MYOF: variants seen among roughly 807,000 people sequenced by gnomAD.
MYOF encodes the protein myoferlin.
Under a neutral mutation model 284.2 loss-of-function variants are expected in MYOF, and 244 were observed. That is an observed-to-expected ratio of 0.86 (90% CI 0.77 to 0.95). The LOEUF is 0.95. Ranked by LOEUF, MYOF falls within the 40% of genes least tolerant of loss-of-function variation. MYOF has a pLI of 0.00. For missense variants in MYOF, 2,496 were observed against 2,560.6 expected, an observed-to-expected ratio of 0.97 and a Z score of 0.54; for synonymous variants, 904 against 919.7, an observed-to-expected ratio of 0.98 and a Z score of 0.31.
chr10:93,428,609 ACAG>A (rs1158207611), intron 4 of MYOF, among the ~76,000 whole-genome samples: 16 of 133,264 alleles, frequency 1.2e-4, no homozygotes, highest in African/African-American at 4.5e-4. Flanking sequence ...ACACACACAC[ACAG>A]TGCATTGCCC....
chr10:93,463,587 TG>T (rs1190152629), intron 1 of MYOF, among the ~76,000 whole-genome samples: 1 of 151,428 alleles, frequency 6.6e-6, no homozygotes, highest in African/African-American at 2.4e-5. Flanking sequence ...TTAGTAGAGA[TG>T]GGGGTTTCAC....
chr10:93,368,485 C>G (rs1490130960), intron 25 of MYOF, among the ~76,000 whole-genome samples: 1 of 152,194 alleles, frequency 6.6e-6, no homozygotes, highest in Non-Finnish European at 1.5e-5. Flanking sequence ...GAGGACCAGG[C>G]TTGGCTTCTT....
chr10:93,438,513 C>A (rs2056142020), intron 3 of MYOF, among the ~76,000 whole-genome samples: 1 of 152,192 alleles, frequency 6.6e-6, no homozygotes, highest in Non-Finnish European at 1.5e-5. Context: ...CAAAACATTT[C>A]TCAGAATGTG....
At chr10:93,471,900 A>G (rs2057155066) in intron 1 of MYOF, among the ~76,000 whole-genome samples, 2 of 152,044 alleles carry the variant, frequency 1.3e-5, no homozygotes, top group South Asian at 4.1e-4. Context: ...AAAAAAAAAA[A>G]AAAGGCTCGG....
intron 1 of MYOF, 148 bp downstream of exon 1, chr10:93,481,959 G>A: frequency 2.9e-6 from 2 of 681,838 alleles, no homozygotes; most frequent in South Asian, 1.8e-5. Flanking sequence ...CCAGAAACGG[G>A]TCCTCTCCCC....
intron 5 of MYOF, among the ~76,000 whole-genome samples, chr10:93,411,032 T>C (rs1696319764): frequency 6.6e-6 from 1 of 152,246 alleles, no homozygotes; most frequent in African/African-American, 2.4e-5. Context: ...GGGAAAATAA[T>C]AGTATTTACC....
At chr10:93,375,048 A>G (rs903216376) in intron 22 of MYOF, 93 bp from the exon 23 acceptor site, 7 of 1,267,514 alleles carry the variant, frequency 5.5e-6, no homozygotes, top group East Asian at 2.5e-5. Flanking sequence ...TTGGATTTCC[A>G]TCTTGCAAAC....
intron 49 of MYOF, 112 bp from the exon 50 acceptor site, chr10:93,316,925 T>C: frequency 2.6e-6 from 2 of 773,366 alleles, no homozygotes; most frequent in Non-Finnish European, 4.4e-6. Flanking sequence ...ACCCTGACAC[T>C]CCCTTGGGCC....
chr10:93,389,427 T>C (rs1338258039), intron 17 of MYOF, among the ~76,000 whole-genome samples: 3 of 152,250 alleles, frequency 2.0e-5, no homozygotes, highest in Admixed American at 2.0e-4. Context: ...GACTTTGAAG[T>C]TGACCTTCAC....
intron 3 of MYOF, among the ~76,000 whole-genome samples, chr10:93,440,412 A>AG (rs1466131039): frequency 1.1e-4 from 1 of 9,278 alleles, no homozygotes; most frequent in Non-Finnish European, 5.7e-3. Flanking sequence ...CTCCGTCTCG[A>AG]AAAAAAAAAC....
At chr10:93,381,149 A>C in intron 20 of MYOF, 70 bp downstream of exon 20, 1 of 1,500,128 alleles carries the variant, frequency 6.7e-7, no homozygotes. Flanking sequence ...GGGAAGACAC[A>C]GTGCTTGCTT....
At chr10:93,436,238 G>A (rs1056654169) in intron 3 of MYOF, among the ~76,000 whole-genome samples, 2 of 152,092 alleles carry the variant, frequency 1.3e-5, no homozygotes, top group South Asian at 4.2e-4. Context: ...GCCTTGAGTG[G>A]TTTTACAACC....
At chr10:93,481,445 T>C (rs993491499) in intron 1 of MYOF, among the ~76,000 whole-genome samples, 1 of 152,070 alleles carries the variant, frequency 6.6e-6, no homozygotes, top group African/African-American at 2.4e-5. Flanking sequence ...CCCAGAGAAA[T>C]GAAGTAACTT....
intron 12 of MYOF, among the ~76,000 whole-genome samples, chr10:93,400,097 T>C (rs759860447): frequency 1.3e-5 from 2 of 152,116 alleles, no homozygotes; most frequent in Non-Finnish European, 2.9e-5. Context: ...CAAAGTTCAT[T>C]CAGTGAGAGT....
At chr10:93,466,552 G>A (rs1049179529) in intron 1 of MYOF, among the ~76,000 whole-genome samples, 6 of 152,186 alleles carry the variant, frequency 3.9e-5, no homozygotes, top group African/African-American at 9.6e-5. Context: ...ATGCTGGGGC[G>A]TGGTCATGTC....
chr10:93,345,188 G>A lies in MYOF; in HGVS notation c.4250-1256C>T, dbSNP rs151002082. Among the ~76,000 whole-genome samples the A allele has an allele frequency of 2.6e-5, 4 of 152,210 alleles. No homozygotes were observed. In the East Asian group the frequency reaches 5.8e-4, roughly 22 times the overall value. ...GGAGGAGAAACAACAAACCTTTTTC[G>A]GTACCCACCATGTGCTGGGCACTGA... On this transcript the variant is annotated intron_variant, in intron 37 of 53. Coordinates refer to ENST00000359263, the MANE Select transcript of MYOF (RefSeq NM_013451.4).
chr10:93,458,807 G>A (rs1365420687), intron 1 of MYOF, among the ~76,000 whole-genome samples: 1 of 152,166 alleles, frequency 6.6e-6, no homozygotes, highest in East Asian at 1.9e-4. Flanking sequence ...TCACATTAGT[G>A]GCCACACTTT....
At chr10:93,381,528 AC>A in intron 19 of MYOF, 132 bp from the exon 20 acceptor site, 1 of 914,732 alleles carries the variant, frequency 1.1e-6, no homozygotes, top group Non-Finnish European at 1.7e-6. Flanking sequence ...ATGTTCTTGG[AC>A]CCAGCTGTTC....
intron 24 of MYOF, among the ~76,000 whole-genome samples, chr10:93,370,175 A>C (rs1236481293): frequency 1.3e-5 from 2 of 152,206 alleles, no homozygotes; most frequent in Non-Finnish European, 2.9e-5. Context: ...TAGTAGTAAC[A>C]GTAAAAGTAA....
Sources: allele counts gnomAD v4.1 joint callset (sites outside exome capture counted in the v4.1 genomes callset), GRCh38; gene constraint gnomAD v4.1.1; transcripts MANE v1.5; gene names NCBI Gene and HGNC (gene_info 2026-07-23, HGNC 2026-07-21).